The following PTPRO variants were observed in gnomAD, a reference collection of about 807,000 sequenced individuals.
PTPRO encodes the protein receptor-type tyrosine-protein phosphatase O.
In PTPRO, 62 loss-of-function variants were observed where a neutral mutation model predicts 145.2. The observed-to-expected ratio is 0.43, with a 90% CI of 0.35 to 0.53. The LOEUF (loss-of-function observed/expected upper bound fraction) is 0.53. PTPRO is among the 20% of genes least tolerant of loss of function. PTPRO has a pLI of 0.01. For synonymous variants in PTPRO, 565 were observed against 514.7 expected (o/e 1.10, Z -1.32); for missense variants, 1,345 against 1,482.7 (o/e 0.91, Z 1.53).
chr12:15,478,534 C>A (rs139018127), intron 1 of PTPRO, among the ~76,000 whole-genome samples: 1 of 152,012 alleles, frequency 6.6e-6, no homozygotes, highest in Non-Finnish European at 1.5e-5. Flanking sequence ...CAAACCTTTG[C>A]GCATGTGTGT....
intron 9 of PTPRO, 25 bp from the exon 10 acceptor site, chr12:15,520,176 C>G (rs1260007929): frequency 2.0e-6 from 3 of 1,526,720 alleles, no homozygotes; most frequent in Non-Finnish European, 1.8e-6. Flanking sequence ...AGTCTTTTGT[C>G]TCCTTGCTTG....
chr12:15,560,266 A>G lies in PTPRO; in HGVS notation c.2701A>G (p.Ile901Val). The change falls in exon 17 of 27, where the codon ATT becomes GTT. Residue 901 changes from isoleucine to valine, a missense_variant. Ile to Val is a conservative substitution (Grantham distance 29). This residue lies in a region of PTPRO where 1,130 missense variants were observed against 1,214.7 expected (regional missense o/e 0.93). Transcript: ENST00000281171. ...GACTGATTATCTTTTGGCATTTTATATTAATCCTTGGTAAGTGATTTTTTT... is the reference window on the plus strand; with the variant it reads ...GACTGATTATCTTTTGGCATTTTATGTTAATCCTTGGTAAGTGATTTTTTT... ...LWTDYLLAFY[I>V]NPWSKNGLKK... 1.3e-6 allele frequency: 2 copies of G among 1,577,060 alleles called. No homozygotes were observed. The highest frequency in any genetic ancestry group is 1.7e-6 in the Non-Finnish European group (2 of 1,147,074).
intron 12 of PTPRO, among the ~76,000 whole-genome samples, chr12:15,534,779 T>A (rs1190185083): frequency 6.6e-6 from 1 of 152,214 alleles, no homozygotes. Flanking sequence ...CAGTCCGATT[T>A]ACATTTAAAA....
Position 15,415,592 on chromosome 12 carries a change from A to G in PTPRO, c.76-68382A>G, listed in dbSNP as rs188022329. On this transcript the variant is annotated intron_variant, in intron 1 of 26. Coordinates refer to ENST00000281171, the MANE Select transcript of PTPRO (RefSeq NM_030667.3). ...GTAGAGACGGGGTTTCACTCATGTT[A>G]GCCAGGATGGTCTCGATCTCCCGAC... Among the ~76,000 whole-genome samples, 173 of 151,410 alleles carry G rather than the reference A, an allele frequency of 1.1e-3. 2 individuals are homozygous for G. The highest frequency in any genetic ancestry group is 7.6e-4 in the Non-Finnish European group (52 of 67,994).
Position 15,589,548 on chromosome 12 carries a change from G to A in PTPRO, c.3504G>A (p.Val1168=), listed in dbSNP as rs755605072. Residue 1168 remains valine, a synonymous_variant, in exon 25 of 27, where the codon GTG becomes GTA. Coordinates refer to ENST00000281171, the MANE Select transcript of PTPRO (RefSeq NM_030667.3). ...DHEFVDILGL[V]SEMRSYRMSM... is the part of the protein sequence containing the mutation. Reference sequence around the variant, plus strand: ...AGTTTGTTGACATCTTAGGGCTGGTGTCAGAAATGAGGTCATACCGGATGT... The same window carrying A: ...AGTTTGTTGACATCTTAGGGCTGGTATCAGAAATGAGGTCATACCGGATGT... The A allele has an allele frequency of 1.2e-5, 19 of 1,614,154 alleles. No homozygotes were observed. In the East Asian group the frequency reaches 1.3e-4, roughly 11 times the overall value.
At chr12:15,367,608 C>A (rs898348094) in intron 1 of PTPRO, among the ~76,000 whole-genome samples, 5 of 152,176 alleles carry the variant, frequency 3.3e-5, no homozygotes, top group Non-Finnish European at 7.3e-5. Context: ...ACTTAAATGT[C>A]TAATAGATGT....
chr12:15,526,366 C>T (rs1430313357), intron 12 of PTPRO, 104 bp downstream of exon 12: 3 of 1,481,622 alleles, frequency 2.0e-6, no homozygotes, highest in Non-Finnish European at 2.8e-6. Flanking sequence ...AGAAAAATGG[C>T]TAATTTTTTA....
chr12:15,439,853 A>G, intron 1 of PTPRO: 1 of 628,954 alleles, frequency 1.6e-6, no homozygotes, highest in South Asian at 1.7e-5. Context: ...GAAGATTATG[A>G]TGGTGCAGAA....
At position 15,546,526 on chromosome 12, in the gene PTPRO, A is replaced by G. The variant is rs373342610; in HGVS notation, c.2165-43A>G. The G allele has an allele frequency of 5.9e-4, 919 of 1,549,368 alleles. 2 individuals are homozygous for G. The highest frequency in any genetic ancestry group is 5.6e-4 in the Non-Finnish European group (639 of 1,144,564). On this transcript the variant is annotated intron_variant, in intron 12 of 26. Coordinates refer to ENST00000281171, the MANE Select transcript of PTPRO (RefSeq NM_030667.3). ...TTATTAGTGAAAGAAGAAAGAATAC[A>G]CTTAGTAAATTAAATTTTTTTTAAA...
At chr12:15,533,054 G>C (rs1171897665) in intron 12 of PTPRO, among the ~76,000 whole-genome samples, 1 of 152,128 alleles carries the variant, frequency 6.6e-6, no homozygotes, top group Non-Finnish European at 1.5e-5. Flanking sequence ...GGTGCCTCAG[G>C]AATATGAGTC....
chr12:15,571,319 A>G (rs1201695524), intron 19 of PTPRO, among the ~76,000 whole-genome samples: 2 of 151,580 alleles, frequency 1.3e-5, no homozygotes, highest in Non-Finnish European at 2.9e-5. Context: ...AGACAGTCTC[A>G]CTCTGTTGCC....
intron 26 of PTPRO, chr12:15,595,371 G>A: frequency 2.9e-6 from 1 of 345,880 alleles, no homozygotes; most frequent in African/African-American, 2.1e-5. Context: ...GTAATATCAG[G>A]ATACTACCAT....
intron 23 of PTPRO, among the ~76,000 whole-genome samples, chr12:15,583,610 T>G (rs1285109965): frequency 6.6e-6 from 1 of 152,250 alleles, no homozygotes; most frequent in African/African-American, 2.4e-5. Flanking sequence ...CAGCCTGCAT[T>G]GTTGACGAAT....
intron 12 of PTPRO, among the ~76,000 whole-genome samples, chr12:15,545,902 G>C (rs979413469): frequency 6.6e-6 from 1 of 151,866 alleles, no homozygotes; most frequent in Non-Finnish European, 1.5e-5. Flanking sequence ...GGTAGTCCCA[G>C]TTACTTGGGA....
At chr12:15,360,532 T>G (rs564113496) in intron 1 of PTPRO, among the ~76,000 whole-genome samples, 1 of 152,188 alleles carries the variant, frequency 6.6e-6, no homozygotes, top group South Asian at 2.1e-4. Context: ...GAATAATGCA[T>G]AGGGACTCAG....
chr12:15,333,662 A>T (rs1866675202), intron 1 of PTPRO, among the ~76,000 whole-genome samples: 1 of 152,138 alleles, frequency 6.6e-6, no homozygotes, highest in Non-Finnish European at 1.5e-5. Context: ...GGCGCCACTG[A>T]GTCGGGCTGG....
At chr12:15,393,727 A>G (rs955861751) in intron 1 of PTPRO, among the ~76,000 whole-genome samples, 6 of 151,854 alleles carry the variant, frequency 4.0e-5, no homozygotes, top group African/African-American at 1.5e-4. Flanking sequence ...AGTTCTTCCT[A>G]ATCATGTCAA....
At chr12:15,519,847 C>A (rs1942677035) in intron 9 of PTPRO, among the ~76,000 whole-genome samples, 1 of 152,128 alleles carries the variant, frequency 6.6e-6, no homozygotes, top group South Asian at 2.1e-4. Flanking sequence ...TGAAAAAACA[C>A]TGAGTTGTGA....
intron 1 of PTPRO, among the ~76,000 whole-genome samples, chr12:15,416,710 G>T (rs570782514): frequency 1.4e-5 from 2 of 141,310 alleles, no homozygotes; most frequent in South Asian, 2.2e-4. Flanking sequence ...CAGTGGTTTT[G>T]CCACTTCCTT....
Sources: allele counts gnomAD v4.1 joint callset (sites outside exome capture counted in the v4.1 genomes callset), GRCh38; gene constraint gnomAD v4.1.1; regional missense constraint gnomAD v4.1.1; transcripts MANE v1.5; gene names NCBI Gene and HGNC (gene_info 2026-07-23, HGNC 2026-07-21).